The following KLHL36 variants were observed in gnomAD, a reference collection of about 807,000 sequenced individuals.
KLHL36 encodes the protein kelch like family member 36, also known as kelch-like protein 36.
In KLHL36, 35 loss-of-function variants were observed where a neutral mutation model predicts 53.3. The ratio of observed to expected loss-of-function variants is 0.66; its 90% CI spans 0.50 to 0.87. The LOEUF (loss-of-function observed/expected upper bound fraction) is 0.87. Among genes scored for constraint, KLHL36 ranks in the 40% least tolerant of loss-of-function variants. The pLI is 0.00. For missense variants in KLHL36, 864 were observed against 897.6 expected (o/e 0.96, Z 0.48); for synonymous variants, 472 against 398.9 (o/e 1.18, Z -2.18).
intron 2 of KLHL36, among the ~76,000 whole-genome samples, chr16:84,653,135 T>C (rs1249732345): frequency 2.6e-5 from 4 of 152,120 alleles, no homozygotes; most frequent in Non-Finnish European, 4.4e-5. Context: ...GAGGCTCACT[T>C]GAGCCCAGGA....
chr16:84,660,558 AC>A (rs1243961882), intron 4 of KLHL36, among the ~76,000 whole-genome samples: 4 of 152,202 alleles, frequency 2.6e-5, no homozygotes, highest in Non-Finnish European at 4.4e-5. Context: ...CACTTTCTGA[AC>A]CAGTCTTTGC....
chr16:84,660,068 G>T (rs1357799744), intron 4 of KLHL36, 151 bp downstream of exon 4: 3 of 796,512 alleles, frequency 3.8e-6, no homozygotes, highest in East Asian at 5.1e-5. Context: ...ACCATGAGGG[G>T]CGGAGGGCGT....
At position 84,661,471 on chromosome 16, in the gene KLHL36, T is replaced by G. The variant is rs1907541307; in HGVS notation, c.1296-107T>G. 8.6e-7 allele frequency: 1 copy of G among 1,167,714 alleles called. No individual in the cohort carries two copies. The highest frequency in any genetic ancestry group is 1.2e-6 in the Non-Finnish European group (1 of 827,654). 72.3% of individuals were successfully genotyped at this position (1,167,714 alleles called of 1,614,324 possible). On this transcript the variant is annotated intron_variant, in intron 4 of 4. Coordinates refer to ENST00000564996, the MANE Select transcript of KLHL36 (RefSeq NM_024731.4). This position sits in a 1 kb window ranked among gnomAD's most constrained non-coding sequence, Gnocchi z 7.9. ...CATGGGGTGCCCACTCCCTATATTC[T>G]TAAATCCTCATGGCCCTCTAAGACG...
chr16:84,661,528 C>T lies in KLHL36; in HGVS notation c.1296-50C>T. ...TGTTCCCCGGCTCGGAGGGGGTAAG[C>T]CTGGCACAGCCCTGAGCTCTCCCTC... On this transcript the variant is annotated intron_variant, in intron 4 of 4. Transcript: ENST00000564996. The surrounding 1 kb of genome is among the most constrained non-coding windows in gnomAD (Gnocchi z 7.9). 3 of 1,523,190 alleles carry T rather than the reference C, an allele frequency of 2.0e-6. No individual in the cohort carries two copies. Among genetic ancestry groups the T allele is most frequent in the Non-Finnish European group, 2.7e-6 (3 of 1,130,200 alleles). The allele number at this position is 1,523,190 out of a possible 1,614,324, so 94.4% of individuals were successfully genotyped here. A position where few individuals can be genotyped will look rare whatever the true frequency, so the allele number is the denominator to read the frequency against.
chr16:84,652,896 A>G (rs1386775680), intron 2 of KLHL36, among the ~76,000 whole-genome samples: 2 of 152,122 alleles, frequency 1.3e-5, no homozygotes, highest in African/African-American at 2.4e-5. Context: ...CTGTGTGGCC[A>G]CAGTGTCTGT....
At position 84,661,535 on chromosome 16, in the gene KLHL36, C is replaced by G; in HGVS notation, c.1296-43C>G. On this transcript the variant is annotated intron_variant, in intron 4 of 4. Transcript: ENST00000564996. The surrounding 1 kb of genome is among the most constrained non-coding windows in gnomAD (Gnocchi z 7.9). ...CGGCTCGGAGGGGGTAAGCCTGGCA[C>G]AGCCCTGAGCTCTCCCTCTGTCTCT... 6.5e-7 allele frequency: 1 copy of G among 1,529,558 alleles called. No homozygotes were observed. The highest frequency in any genetic ancestry group is 8.8e-7 in the Non-Finnish European group (1 of 1,133,646). 94.7% of individuals were successfully genotyped at this position (1,529,558 alleles called of 1,614,324 possible). A position where few individuals can be genotyped will look rare whatever the true frequency, so the allele number is the denominator to read the frequency against.
Position 84,658,124 on chromosome 16 carries a change from G to A in KLHL36, c.1137+180G>A, listed in dbSNP as rs77583609. 3.4e-3 allele frequency: 1,814 copies of A among 532,256 alleles called. 9 individuals are homozygous for A. Among genetic ancestry groups the A allele is most frequent in the Non-Finnish European group, 5.4e-3 (1,675 of 309,490 alleles). 33.0% of individuals were successfully genotyped at this position (532,256 alleles called of 1,614,324 possible). A position where few individuals can be genotyped will look rare whatever the true frequency, so the allele number is the denominator to read the frequency against. On this transcript the variant is annotated intron_variant, in intron 3 of 4. Coordinates refer to ENST00000564996, the MANE Select transcript of KLHL36 (RefSeq NM_024731.4). ...TACATCCTGGACAGGGAGAGGGAGAGCCGACCCACCCCTTCGAGGGGTCCG... is the reference window on the plus strand; with the variant it reads ...TACATCCTGGACAGGGAGAGGGAGAACCGACCCACCCCTTCGAGGGGTCCG...
At chr16:84,649,175 G>C (rs1196622653) in intron 1 of KLHL36, 2 of 152,284 alleles carry the variant, frequency 1.3e-5, no homozygotes, top group Non-Finnish European at 2.9e-5. Flanking sequence ...GATTGTCACT[G>C]TGCTTGGGGG....
Position 84,665,682 on chromosome 16 carries a change from C to T in KLHL36, c.*3549C>T, listed in dbSNP as rs1027932176. 2.6e-5 allele frequency: 4 copies of T among 152,236 alleles called. No individual in the cohort carries two copies. The highest frequency in any genetic ancestry group is 9.7e-5 in the African/African-American group (4 of 41,438). 9.4% of individuals were successfully genotyped at this position (152,236 alleles called of 1,614,324 possible). ...AGAAACTCACCCTAAGGGGTGTTCA[C>T]CTTTGAGGTGGGCATCCAGATGCTG... On this transcript the variant is annotated 3_prime_UTR_variant, in exon 5 of 5. Coordinates refer to ENST00000564996, the MANE Select transcript of KLHL36 (RefSeq NM_024731.4).
intron 1 of KLHL36, among the ~76,000 whole-genome samples, chr16:84,650,191 A>C (rs1425264863): frequency 3.9e-5 from 6 of 152,166 alleles, no homozygotes; most frequent in African/African-American, 1.4e-4. Flanking sequence ...GTGGGGACTA[A>C]GTGAAGATGC....
intron 2 of KLHL36, among the ~76,000 whole-genome samples, chr16:84,651,248 C>T (rs1355496996): frequency 1.3e-5 from 2 of 152,104 alleles, no homozygotes; most frequent in African/African-American, 4.8e-5. Flanking sequence ...ACTGGGATTC[C>T]CATGCCTGCT....
chr16:84,655,585 T>C (rs1443944059), intron 2 of KLHL36, among the ~76,000 whole-genome samples: 2 of 151,304 alleles, frequency 1.3e-5, no homozygotes, highest in South Asian at 4.2e-4. Context: ...ACACCCGTAG[T>C]CCCAGCTACT....
At chr16:84,656,199 T>C (rs1408918151) in intron 2 of KLHL36, among the ~76,000 whole-genome samples, 2 of 152,070 alleles carry the variant, frequency 1.3e-5, no homozygotes, top group East Asian at 1.9e-4. Context: ...CTGGCTTGAA[T>C]TGTTGTGTTG....
At position 84,661,631 on chromosome 16, in the gene KLHL36, G is replaced by A. The variant is rs1220251343; in HGVS notation, c.1349G>A (p.Gly450Glu). ...TACAAAGACTTCGTGTACATCTCGG[G>A]GGGCCACGACTACCAAATTGGCCCC... ...TIYKDFVYIS[G>E]GHDYQIGPYR... The change falls in exon 5 of 5, where the codon GGG becomes GAG. Residue 450 changes from glycine to glutamate, a missense_variant. Physicochemically the swap from Gly to Glu is moderately conservative, Grantham distance 98 (BLOSUM62 -2). Transcript: ENST00000564996. The surrounding 1 kb of genome is among the most constrained non-coding windows in gnomAD (Gnocchi z 7.9). The A allele has an allele frequency of 6.6e-7, 1 of 1,514,860 alleles. No individual in the cohort carries two copies. Among genetic ancestry groups the A allele is most frequent in the Non-Finnish European group, 8.9e-7 (1 of 1,127,120 alleles). The allele number at this position is 1,514,860 out of a possible 1,614,324, so 93.8% of individuals were successfully genotyped here. A position where few individuals can be genotyped will look rare whatever the true frequency, so the allele number is the denominator to read the frequency against.
rs1043936585 is a variant in KLHL36, at chr16:84,665,636, A to G, written c.*3503A>G. ...TATATTGAGTGCCCTCACTCATGAT[A>G]AGGTGACTTCATGGAGACCCAGAAA... On this transcript the variant is annotated 3_prime_UTR_variant, in exon 5 of 5. Transcript: ENST00000564996. 6.6e-6 allele frequency: 1 copy of G among 152,210 alleles called. No individual in the cohort carries two copies. Among genetic ancestry groups the G allele is most frequent in the Admixed American group, 6.5e-5 (1 of 15,290 alleles). The allele number at this position is 152,210 out of a possible 1,614,324, so 9.4% of individuals were successfully genotyped here.
Position 84,656,899 on chromosome 16 carries a change from C to A in KLHL36, c.92C>A (p.Thr31Lys). 6.2e-7 allele frequency: 1 copy of A among 1,611,534 alleles called. No individual in the cohort carries two copies. Among genetic ancestry groups the A allele is most frequent in the South Asian group, 1.1e-5 (1 of 90,994 alleles). The change falls in exon 3 of 5, where the codon ACG becomes AAG. Residue 31 changes from threonine to lysine, a missense_variant. By Grantham distance (78) the Thr-to-Lys change is moderately conservative. Transcript: ENST00000564996. ...TACCGCTGGGCCGACCACTCAAGCA[C>A]GGTGCTGCAGCGGCTGAACGAGCAG... ...KVYRWADHSS[T>K]VLQRLNEQRL...
rs74422610 is a variant in KLHL36 at position 84,659,542 on chromosome 16, C to A, written c.1138-218C>A. On this transcript the variant is annotated intron_variant, in intron 3 of 4. Coordinates refer to ENST00000564996, the MANE Select transcript of KLHL36 (RefSeq NM_024731.4). The stretch of plus-strand genomic sequence containing the variant: ...CCATCCCCCTTTTGGGGACTCAGAG[C>A]GTCTCCATCCCACTTTTGGGGATTC... 4.5e-5 allele frequency: 24 copies of A among 529,504 alleles called. 1 individual carries two copies. The Middle Eastern group carries it at 1.5e-3, about 32-fold the overall frequency. 32.8% of individuals were successfully genotyped at this position (529,504 alleles called of 1,614,324 possible). A position where few individuals can be genotyped will look rare whatever the true frequency, so the allele number is the denominator to read the frequency against.
At position 84,665,298 on chromosome 16, in the gene KLHL36, G is replaced by T. The variant is rs1260957353; in HGVS notation, c.*3165G>T. 1.3e-5 allele frequency: 2 copies of T among 151,658 alleles called. No homozygotes were observed. The highest frequency in any genetic ancestry group is 4.8e-5 in the African/African-American group (2 of 41,262). 9.4% of individuals were successfully genotyped at this position (151,658 alleles called of 1,614,324 possible). A position where few individuals can be genotyped will look rare whatever the true frequency, so the allele number is the denominator to read the frequency against. The stretch of plus-strand genomic sequence containing the variant: ...ATAAGCATGGCAGGCTTCTATTGAG[G>T]TTTGGACTTCTCTCATTTCTAAAGA... On this transcript the variant is annotated 3_prime_UTR_variant, in exon 5 of 5. Transcript: ENST00000564996.
In KLHL36 at chr16:84,657,510, A is replaced by G. The variant is rs754606567; in HGVS notation, c.703A>G (p.Ile235Val). The change falls in exon 3 of 5, where the codon ATC (isoleucine) becomes GTC (valine). Residue 235 changes from isoleucine to valine, a missense_variant. Transcript: ENST00000564996. ...CCACGCCCGCCAGGTGCTGGAGAACATCCACTTCCCGCTCATCCCCAAGAA... is the reference window on the plus strand; with the variant it reads ...CCACGCCCGCCAGGTGCTGGAGAACGTCCACTTCCCGCTCATCCCCAAGAA... ...EAHARQVLENIHFPLIPKNDL... is the reference protein window; with the variant it reads ...EAHARQVLENVHFPLIPKNDL... 2.5e-6 allele frequency: 4 copies of G among 1,609,458 alleles called. No homozygotes were observed. The highest frequency in any genetic ancestry group is 2.5e-6 in the Non-Finnish European group (3 of 1,179,878).
Sources: allele counts gnomAD v4.1 joint callset (sites outside exome capture counted in the v4.1 genomes callset), GRCh38; gene constraint gnomAD v4.1.1; non-coding constraint Gnocchi (gnomAD v3.1); transcripts MANE v1.5; gene names NCBI Gene and HGNC (gene_info 2026-07-23, HGNC 2026-07-21).